The following RNF213 variants were observed in gnomAD, a reference collection of about 807,000 sequenced individuals.
RNF213 encodes the protein ring finger protein 213.
A neutral mutation model predicts 514.4 loss-of-function variants in RNF213; 341 were observed. The observed-to-expected ratio is 0.66, with a 90% CI of 0.61 to 0.73. RNF213 has a LOEUF of 0.73. Ranked by LOEUF, RNF213 falls within the 30% of genes least tolerant of loss-of-function variation. RNF213 has a pLI of 0.00. For synonymous variants in RNF213, 2,655 were observed against 2,658.2 expected, an observed-to-expected ratio of 1.00 and a Z score of 0.04; for missense variants, 5,767 against 6,615.6, an observed-to-expected ratio of 0.87 and a Z score of 4.45.
At chr17:80,319,591 G>C in intron 17 of RNF213, 1 of 1,569,420 alleles carries the variant, frequency 6.4e-7, no homozygotes, top group Non-Finnish European at 8.6e-7. Flanking sequence ...ACACGGGCTT[G>C]CAGGCCGTTC....
At chr17:80,334,439 T>G (rs1250107973) in intron 22 of RNF213, 169 bp downstream of exon 22, 2 of 673,628 alleles carry the variant, frequency 3.0e-6, no homozygotes, top group African/African-American at 3.6e-5. Flanking sequence ...ATCATAGAGT[T>G]CACACCGGTA....
In RNF213 at chr17:80,381,144, C is replaced by T. The variant is rs541994399; in HGVS notation, c.13797+157C>T. On this transcript the variant is annotated intron_variant, in intron 56 of 67. Coordinates refer to ENST00000582970, the MANE Select transcript of RNF213 (RefSeq NM_001256071.3). ...ACAAGTTATACATCTTCATGTTTCC[C>T]CCTGTGGCGTATGATGGTATGGGGG... 3.1e-4 allele frequency: 253 copies of T among 818,402 alleles called. No homozygotes were observed. The South Asian group carries it at 3.3e-3, about 11-fold the overall frequency. 50.7% of individuals were successfully genotyped at this position (818,402 alleles called of 1,614,324 possible).
intron 3 of RNF213, among the ~76,000 whole-genome samples, chr17:80,283,567 G>GTGC (rs1555642280): frequency 6.6e-6 from 1 of 152,230 alleles, no homozygotes; most frequent in Non-Finnish European, 1.5e-5. Flanking sequence ...CAACCTCCGT[G>GTGC]TGCTGCTGCT....
intron 49 of RNF213, among the ~76,000 whole-genome samples, chr17:80,374,059 T>C (rs1275247914): frequency 6.7e-6 from 1 of 149,234 alleles, no homozygotes; most frequent in East Asian, 2.0e-4. Context: ...CCTTTCCAGA[T>C]ACCCAGAAAT....
chr17:80,340,088 A>C lies in RNF213; in HGVS notation c.5721A>C (p.Gln1907His). The C allele has an allele frequency of 6.2e-7, 1 of 1,605,018 alleles. No individual in the cohort carries two copies. Among genetic ancestry groups the C allele is most frequent in the Non-Finnish European group, 8.5e-7 (1 of 1,177,296 alleles). Reference sequence around the variant, plus strand: ...AGCTGAGCTACGAGGTGGCACGCCAAGCGGAGGAGCTTTTCCACAATCTGT... The same window carrying C: ...AGCTGAGCTACGAGGTGGCACGCCACGCGGAGGAGCTTTTCCACAATCTGT... ...ADQLSYEVARQAEELFHNLCT... is the reference protein window; with the variant it reads ...ADQLSYEVARHAEELFHNLCT... The change falls in exon 26 of 68, where the codon CAA becomes CAC. Residue 1907 changes from glutamine to histidine, a missense_variant. By Grantham distance (24) the Gln-to-His change is conservative. This residue lies in a region of RNF213 where 1,377 missense variants were observed against 1,635.2 expected (regional missense o/e 0.84). Transcript: ENST00000582970.
chr17:80,261,957 C>A lies in RNF213; in HGVS notation c.-109+1055C>A, dbSNP rs557654236. 6.6e-5 allele frequency among the ~76,000 whole-genome samples: 10 copies of A among 152,294 alleles called. No homozygotes were observed. In the South Asian group the frequency reaches 2.1e-3, roughly 32 times the overall value. On this transcript the variant is annotated intron_variant, in intron 1 of 67. Coordinates refer to ENST00000582970, the MANE Select transcript of RNF213 (RefSeq NM_001256071.3). ...GCTAGAGCCCGGGAGGCGGAGGTTG[C>A]AGTGAGCTGAGATTGCCCACTGTAC...
At chr17:80,359,935 C>G in intron 37 of RNF213, 126 bp from the exon 38 acceptor site, 1 of 890,610 alleles carries the variant, frequency 1.1e-6, no homozygotes, top group South Asian at 1.4e-5. Context: ...TCAGCGCCGT[C>G]TGCCTGGCCT....
chr17:80,269,747 A>G (rs180714753), intron 2 of RNF213, among the ~76,000 whole-genome samples: 3 of 151,610 alleles, frequency 2.0e-5, no homozygotes, highest in African/African-American at 7.3e-5. Context: ...TATCCATCCC[A>G]TCTTATCTAT....
At chr17:80,390,583 G>A (rs1369161135) in intron 67 of RNF213, among the ~76,000 whole-genome samples, 1 of 151,918 alleles carries the variant, frequency 6.6e-6, no homozygotes, top group Non-Finnish European at 1.5e-5. Flanking sequence ...TTTTAGTAGA[G>A]ACAGAGTTTC....
At chr17:80,309,749 T>TC (rs981148966) in intron 14 of RNF213, among the ~76,000 whole-genome samples, 1 of 149,682 alleles carries the variant, frequency 6.7e-6, no homozygotes, top group Non-Finnish European at 1.5e-5. Context: ...TCAGTTTTTT[T>TC]TTTGTTTTTT....
rs1173408450 is a variant in RNF213, at chr17:80,377,815, G to A, written c.13545+19G>A. The A allele has an allele frequency of 1.2e-6, 2 of 1,614,146 alleles. No individual in the cohort carries two copies. Among genetic ancestry groups the A allele is most frequent in the Non-Finnish European group, 1.7e-6 (2 of 1,179,974 alleles). On this transcript the variant is annotated intron_variant, in intron 54 of 67. Coordinates refer to ENST00000582970, the MANE Select transcript of RNF213 (RefSeq NM_001256071.3). The surrounding 1 kb of genome is among the most constrained non-coding windows in gnomAD (Gnocchi z 4.1). ...GGGAGAGGTGAGTCTTGGTATTTAA[G>A]ATAGGGTTTGAGGGGTGGCGTGCAC...
rs541087490 is a variant in RNF213, at chr17:80,282,865, T to A, written c.262-4950T>A. On this transcript the variant is annotated intron_variant, in intron 3 of 67. Transcript: ENST00000582970. ...GGTGTGTGCCACCACGCCTGGCTAA[T>A]TTTTGTATTTTTAGTAGAGATGGGG... Among the ~76,000 whole-genome samples the A allele has an allele frequency of 2.7e-5, 4 of 150,620 alleles. No individual in the cohort carries two copies. The South Asian group carries it at 8.4e-4, about 32-fold the overall frequency.
At chr17:80,262,186 G>GA (rs2043447234) in intron 1 of RNF213, among the ~76,000 whole-genome samples, 1 of 152,050 alleles carries the variant, frequency 6.6e-6, no homozygotes, top group African/African-American at 2.4e-5. Flanking sequence ...GTGTGGAGGG[G>GA]AGGAGGTACG....
chr17:80,320,137 A>G (rs945599404), intron 17 of RNF213: 5 of 516,536 alleles, frequency 9.7e-6, no homozygotes, highest in African/African-American at 6.2e-5. Context: ...GAGCATTTTC[A>G]TCACTTCAAA....
chr17:80,336,441 G>A, intron 23 of RNF213, 63 bp downstream of exon 23: 1 of 1,403,658 alleles, frequency 7.1e-7, no homozygotes. Context: ...GCAACGTTAG[G>A]GCAGTGACTG....
At chr17:80,356,957 TC>T (rs1182912275) in intron 36 of RNF213, among the ~76,000 whole-genome samples, 1 of 149,480 alleles carries the variant, frequency 6.7e-6, no homozygotes, top group East Asian at 2.0e-4. Context: ...CTCACTCTCG[TC>T]CCCCATGCTG....
At position 80,287,861 on chromosome 17, in the gene RNF213, C is replaced by A. The variant is rs2044529549; in HGVS notation, c.308C>A (p.Ala103Asp). Residue 103 changes from alanine to aspartate, a missense_variant, in exon 4 of 68, where the codon GCT becomes GAT. Coordinates refer to ENST00000582970, the MANE Select transcript of RNF213 (RefSeq NM_001256071.3). ...RKKKKKGNKS[A>D]SSELASLPLS... The stretch of plus-strand genomic sequence containing the variant: ...AAGAAAAAGAAGGGGAACAAGTCCG[C>A]TTCCTCAGAGCTGGCTTCCTTGCCC... 1.9e-6 allele frequency: 3 copies of A among 1,603,958 alleles called. No individual in the cohort carries two copies. Among genetic ancestry groups the A allele is most frequent in the South Asian group, 1.1e-5 (1 of 89,720 alleles).
At position 80,353,551 on chromosome 17, in the gene RNF213, C is replaced by G. The variant is rs369786853; in HGVS notation, c.10463C>G (p.Ala3488Gly). Residue 3488 changes from alanine (A) to glycine (G), a missense_variant, in exon 34 of 68, where the codon GCG becomes GGG. By Grantham distance (60) the Ala-to-Gly change is moderately conservative. Coordinates refer to ENST00000582970, the MANE Select transcript of RNF213 (RefSeq NM_001256071.3). This position sits in a 1 kb window ranked among gnomAD's most constrained non-coding sequence, Gnocchi z 5.0. ...EHRAEDGHEE[A>G]METEASTSGE... The stretch of plus-strand genomic sequence containing the variant: ...CGGGCGGAAGACGGCCATGAGGAGG[C>G]GATGGAGACGGAGGCCAGCACATCA... 2 of 1,613,536 alleles carry G rather than the reference C, an allele frequency of 1.2e-6. No individual in the cohort carries two copies. The highest frequency in any genetic ancestry group is 1.7e-6 in the Non-Finnish European group (2 of 1,179,792).
chr17:80,369,710 C>T (rs1374353442), intron 45 of RNF213, 39 bp downstream of exon 45: 1 of 1,613,850 alleles, frequency 6.2e-7, no homozygotes, highest in Non-Finnish European at 8.5e-7. Context: ...CCCCTCATTT[C>T]TTCATCTCGC....
Sources: allele counts gnomAD v4.1 joint callset (sites outside exome capture counted in the v4.1 genomes callset), GRCh38; gene constraint gnomAD v4.1.1; regional missense constraint gnomAD v4.1.1; non-coding constraint Gnocchi (gnomAD v3.1); transcripts MANE v1.5; gene names NCBI Gene and HGNC (gene_info 2026-07-23, HGNC 2026-07-21).